RAD18: variants seen among roughly 807,000 people sequenced by gnomAD.
The protein encoded by RAD18 is E3 ubiquitin-protein ligase RAD18.
Under a neutral mutation model 60.4 loss-of-function variants are expected in RAD18, and 47 were observed. The ratio of observed to expected loss-of-function variants is 0.78; its 90% confidence interval spans 0.62 to 0.99. RAD18 has a LOEUF of 0.99. Ranked by LOEUF, RAD18 falls within the 50% of genes least tolerant of loss-of-function variation. The pLI is 0.00. For missense variants in RAD18, 640 were observed against 593.3 expected, an observed-to-expected ratio of 1.08 and a Z score of -0.82; for synonymous variants, 225 against 195.5, an observed-to-expected ratio of 1.15 and a Z score of -1.26.
chr3:8,909,598 A>C (rs1003245880), intron 9 of RAD18, among the ~76,000 whole-genome samples: 8 of 152,232 alleles, frequency 5.3e-5, no homozygotes, highest in African/African-American at 1.9e-4. Context: ...AAAGTAGAAA[A>C]CAGCGGAAGA....
chr3:8,919,573 T>C (rs1559776486), intron 7 of RAD18, among the ~76,000 whole-genome samples: 4 of 152,252 alleles, frequency 2.6e-5, no homozygotes, highest in African/African-American at 9.6e-5. Flanking sequence ...TATATATGCA[T>C]ACATGCATGT....
Position 8,941,553 on chromosome 3 carries a change from C to T in RAD18, c.518G>A (p.Arg173His), listed in dbSNP as rs138707389. ...ASPAAKTKET[R>H]SVEEIAPDPS... is the part of the protein sequence containing the mutation. The stretch of plus-strand genomic sequence containing the variant: ...ATCTGGAGCGATCTCTTCTACAGAA[C>T]GTGTCTCTTTGGTCTTTGCAGCAGG... The change falls in exon 5 of 13, where the codon CGT becomes CAT. Residue 173 changes from arginine to histidine, a missense_variant. Coordinates refer to ENST00000264926, the MANE Select transcript of RAD18 (RefSeq NM_020165.4). The T allele has an allele frequency of 1.9e-5, 30 of 1,613,950 alleles. No individual in the cohort carries two copies. The African/African-American group carries it at 2.5e-4, about 14-fold the overall frequency.
intron 7 of RAD18, among the ~76,000 whole-genome samples, chr3:8,917,086 C>T (rs530579073): frequency 6.6e-6 from 1 of 152,166 alleles, no homozygotes. Context: ...GAAAAAGACA[C>T]ATTATATAAA....
At position 8,922,663 on chromosome 3, in the gene RAD18, T is replaced by A. The variant is rs1695291; in HGVS notation, c.890-8943A>T. On this transcript the variant is annotated intron_variant, in intron 7 of 12. Coordinates refer to ENST00000264926, the MANE Select transcript of RAD18 (RefSeq NM_020165.4). ...CCAAGTAGCCTAACTGGGAGGCACC[T>A]CCCAGTAGGGGCAGACTGACACCTC... Among the ~76,000 whole-genome samples the A allele has an allele frequency of 2.4e-3, 364 of 151,758 alleles. 1 individual carries two copies. The highest frequency in any genetic ancestry group is 7.9e-3 in the African/African-American group (328 of 41,378).
chr3:8,942,487 G>GT (rs2124831153), intron 4 of RAD18, among the ~76,000 whole-genome samples: 1 of 152,288 alleles, frequency 6.6e-6, no homozygotes, highest in East Asian at 1.9e-4. Flanking sequence ...TTATAGCAAT[G>GT]TAAGAATGGC....
chr3:8,929,831 C>T (rs527649), intron 7 of RAD18, among the ~76,000 whole-genome samples: 103,788 of 151,936 alleles, frequency 0.68, 36,050 homozygotes, highest in Middle Eastern at 0.77. Context: ...TAAGTAGAGA[C>T]GGGGTTTCAC....
At chr3:8,959,565 T>C (rs1456085265) in intron 1 of RAD18, among the ~76,000 whole-genome samples, 1 of 152,132 alleles carries the variant, frequency 6.6e-6, no homozygotes, top group East Asian at 1.9e-4. Flanking sequence ...GCTTTCGGCA[T>C]GGTACTACAC....
intron 2 of RAD18, among the ~76,000 whole-genome samples, chr3:8,955,152 T>C (rs1940987878): frequency 6.6e-6 from 1 of 152,164 alleles, no homozygotes; most frequent in African/African-American, 2.4e-5. Context: ...ATCTATACAC[T>C]GACAGAAAAG....
intron 5 of RAD18, among the ~76,000 whole-genome samples, chr3:8,939,871 G>A (rs920195581): frequency 2.0e-5 from 3 of 152,184 alleles, no homozygotes; most frequent in African/African-American, 7.2e-5. Context: ...CAAAATTGAA[G>A]TCCTGGTCCC....
intron 9 of RAD18, among the ~76,000 whole-genome samples, chr3:8,906,611 T>C (rs974933273): frequency 5.3e-5 from 8 of 152,170 alleles, no homozygotes; most frequent in African/African-American, 1.9e-4. Context: ...CATGATTTGT[T>C]TTCTCTCTAT....
intron 12 of RAD18, among the ~76,000 whole-genome samples, chr3:8,886,648 C>T (rs752909189): frequency 5.3e-5 from 8 of 152,210 alleles, no homozygotes; most frequent in Non-Finnish European, 1.0e-4. Context: ...TACTTACTCA[C>T]TAGAAAGGGT....
chr3:8,920,535 T>C (rs958132366), intron 7 of RAD18, among the ~76,000 whole-genome samples: 1 of 152,182 alleles, frequency 6.6e-6, no homozygotes, highest in Non-Finnish European at 1.5e-5. Context: ...TTCTTATTAG[T>C]AGCAAGGCAG....
chr3:8,923,638 GA>G (rs1940371550), intron 7 of RAD18, among the ~76,000 whole-genome samples: 1 of 152,040 alleles, frequency 6.6e-6, no homozygotes, highest in African/African-American at 2.4e-5. Context: ...TGAAATGAAG[GA>G]AAAAACGTTA....
intron 12 of RAD18, among the ~76,000 whole-genome samples, chr3:8,882,145 TCCTG>T (rs369312332): frequency 2.5e-4 from 36 of 142,300 alleles, no homozygotes; most frequent in African/African-American, 3.7e-4. Context: ...AGAAGTCAAG[TCCTG>T]CCTGCTCTCC....
At chr3:8,953,055 T>C (rs543036734) in intron 2 of RAD18, among the ~76,000 whole-genome samples, 10 of 152,096 alleles carry the variant, frequency 6.6e-5, no homozygotes, top group East Asian at 1.9e-4. Context: ...CATCGTAAAG[T>C]TGAAAAATCC....
intron 12 of RAD18, among the ~76,000 whole-genome samples, chr3:8,884,017 T>C (rs1032354682): frequency 7.2e-5 from 11 of 152,260 alleles, no homozygotes; most frequent in African/African-American, 2.6e-4. Context: ...AAAGATAGTC[T>C]TGCAAGTAGA....
chr3:8,938,429 T>C lies in RAD18; in HGVS notation c.704+1125A>G, dbSNP rs1940689693. Among the ~76,000 whole-genome samples the C allele has an allele frequency of 2.0e-5, 3 of 152,348 alleles. No individual in the cohort carries two copies. In the South Asian group the frequency reaches 6.2e-4, roughly 32 times the overall value. On this transcript the variant is annotated intron_variant, in intron 6 of 12. Transcript: ENST00000264926. ...ATACTATGGCTCTGTCTTATTAACA[T>C]GGTTTTTGGAAAATACTCTTCAAAG... is the stretch of plus-strand genomic sequence containing the variant.
In RAD18 at chr3:8,896,953, A is replaced by G. The variant is rs74450148; in HGVS notation, c.1322+1941T>C. 8.6e-4 allele frequency among the ~76,000 whole-genome samples: 129 copies of G among 150,738 alleles called. 1 individual carries two copies. The East Asian group carries it at 0.024, about 28-fold the overall frequency. On this transcript the variant is annotated intron_variant, in intron 11 of 12. Transcript: ENST00000264926. ...AGTAAACTGCTGTATTTTTTTAAGG[A>G]AAAAAAAAATAAGAACATTAGGTTA...
intron 7 of RAD18, among the ~76,000 whole-genome samples, chr3:8,915,121 C>T (rs1426723490): frequency 7.2e-6 from 1 of 138,724 alleles, no homozygotes; most frequent in Non-Finnish European, 1.5e-5. Context: ...TGCACTCCAG[C>T]CCAGCGACAA....
Sources: allele counts gnomAD v4.1 joint callset (sites outside exome capture counted in the v4.1 genomes callset), GRCh38; gene constraint gnomAD v4.1.1; transcripts MANE v1.5; gene names NCBI Gene and HGNC (gene_info 2026-07-23, HGNC 2026-07-21).